Variants in ROBO2 observed in about 807,000 individuals in gnomAD.
The protein encoded by ROBO2 is roundabout guidance receptor 2.
Under a neutral mutation model 160.8 loss-of-function variants are expected in ROBO2, and 53 were observed. That is an observed-to-expected ratio of 0.33 (90% CI 0.26 to 0.41). The LOEUF is 0.41. Ranked by LOEUF, ROBO2 falls within the 10% of genes least tolerant of loss-of-function variation. The pLI is 1.00. For missense variants in ROBO2, 1,577 were observed against 1,722.4 expected, an observed-to-expected ratio of 0.92 and a Z score of 1.49; for synonymous variants, 664 against 611.7, an observed-to-expected ratio of 1.09 and a Z score of -1.26.
intron 2 of ROBO2, among the ~76,000 whole-genome samples, chr3:76,150,438 TCTGTCTAAAGCACA>T (rs1397752143): frequency 6.4e-5 from 9 of 139,630 alleles, no homozygotes; most frequent in African/African-American, 1.3e-4. Context: ...AAAGCACACA[TCTGTCTAAAGCACA>T]CATCTGTCTA....
intron 16 of ROBO2, among the ~76,000 whole-genome samples, chr3:77,585,126 C>A (rs1469310164): frequency 6.6e-6 from 1 of 150,932 alleles, no homozygotes; most frequent in Non-Finnish European, 1.5e-5. Flanking sequence ...AACGTATTTT[C>A]CTTTCATAGT....
chr3:76,804,050 T>C (rs527839719), intron 2 of ROBO2, among the ~76,000 whole-genome samples: 10 of 152,364 alleles, frequency 6.6e-5, no homozygotes, highest in Admixed American at 1.3e-4. Flanking sequence ...ATAGTCACTT[T>C]ATTCATTCAG....
chr3:77,269,378 C>A (rs539390685), intron 2 of ROBO2, among the ~76,000 whole-genome samples: 1 of 152,266 alleles, frequency 6.6e-6, no homozygotes, highest in Admixed American at 6.5e-5. Context: ...ATAAATAAAC[C>A]ATGCATTCCC....
At chr3:77,203,482 T>C (rs1289821178) in intron 2 of ROBO2, among the ~76,000 whole-genome samples, 1 of 152,194 alleles carries the variant, frequency 6.6e-6, no homozygotes, top group Admixed American at 6.5e-5. Context: ...ATAAGGAAGA[T>C]TGATGTGTAA....
At chr3:77,388,322 G>A (rs927876933) in intron 2 of ROBO2, among the ~76,000 whole-genome samples, 1 of 152,148 alleles carries the variant, frequency 6.6e-6, no homozygotes, top group Admixed American at 6.5e-5. Flanking sequence ...GCTGGGGCTG[G>A]ACAATCACTT....
intron 2 of ROBO2, among the ~76,000 whole-genome samples, chr3:76,893,995 G>A (rs192670973): frequency 5.1e-4 from 78 of 152,166 alleles, no homozygotes; most frequent in African/African-American, 1.4e-3. Context: ...ATTGATAGAC[G>A]ATTTTGCCTA....
At chr3:76,348,429 T>G (rs1222983365) in intron 2 of ROBO2, among the ~76,000 whole-genome samples, 1 of 152,146 alleles carries the variant, frequency 6.6e-6, no homozygotes, top group African/African-American at 2.4e-5. Context: ...TAGGTTAAAG[T>G]GCAGAAATTG....
intron 1 of ROBO2, among the ~76,000 whole-genome samples, chr3:75,909,677 C>T (rs1559743701): frequency 6.6e-6 from 1 of 152,148 alleles, no homozygotes; most frequent in Non-Finnish European, 1.5e-5. Context: ...ATACTTCAAG[C>T]AGTGTATGTG....
chr3:76,127,894 CTT>C (rs10691388), intron 2 of ROBO2, among the ~76,000 whole-genome samples: 2 of 117,644 alleles, frequency 1.7e-5, no homozygotes, highest in African/African-American at 3.3e-5. Context: ...GAAGACATTT[CTT>C]TTTTTTTTTT....
At chr3:76,848,612 T>C (rs9878215) in intron 2 of ROBO2, among the ~76,000 whole-genome samples, 22,546 of 152,042 alleles carry the variant, frequency 0.15, 1,883 homozygotes, top group East Asian at 0.24. Flanking sequence ...GCTCTGGAGG[T>C]GGGGTAAGAT....
chr3:76,569,234 C>T (rs1342785660), intron 2 of ROBO2, among the ~76,000 whole-genome samples: 1 of 151,956 alleles, frequency 6.6e-6, no homozygotes, highest in Non-Finnish European at 1.5e-5. Context: ...TGTTTCAGTT[C>T]AGAAGTTTTC....
chr3:76,881,438 G>T lies in ROBO2; in HGVS notation c.110-216576G>T, dbSNP rs575015065. The stretch of plus-strand genomic sequence containing the variant: ...GTTTTAAACTTAGAAAAGTATGGCT[G>T]CAATAGACTTAACCTAAATGAGACT... On this transcript the variant is annotated intron_variant, in intron 2 of 26. Coordinates refer to the ROBO2 transcript ENST00000487694. Among the ~76,000 whole-genome samples the T allele has an allele frequency of 1.2e-4, 18 of 152,230 alleles. No homozygotes were observed. In the South Asian group the frequency reaches 2.3e-3, roughly 19 times the overall value.
rs866340939 is a variant in ROBO2 at position 77,316,884 on chromosome 3, G to A, written c.389-160530G>A. On this transcript the variant is annotated intron_variant, in intron 2 of 25. Transcript: ENST00000461745. ...GAGTGTATCCTAAACCTATCAGGCT[G>A]GAGTTGTTCACTTTAGTGGAGAAGC... The A allele has an allele frequency of 5.1e-6, 6 of 1,169,046 alleles. No homozygotes were observed. The African/African-American group carries it at 6.0e-5, about 12-fold the overall frequency. The allele number at this position is 1,169,046 out of a possible 1,614,324, so 72.4% of individuals were successfully genotyped here.
chr3:76,762,214 A>T (rs987928395), intron 2 of ROBO2, among the ~76,000 whole-genome samples: 1 of 151,592 alleles, frequency 6.6e-6, no homozygotes, highest in Non-Finnish European at 1.5e-5. Flanking sequence ...AAGCTATTTT[A>T]TGCAATTGCC....
At chr3:76,217,127 C>A (rs955628276) in intron 2 of ROBO2, among the ~76,000 whole-genome samples, 1 of 151,988 alleles carries the variant, frequency 6.6e-6, no homozygotes, top group Non-Finnish European at 1.5e-5. Flanking sequence ...ACAAAGAAGA[C>A]ACAACATACC....
intron 2 of ROBO2, among the ~76,000 whole-genome samples, chr3:76,651,670 A>C (rs1349569955): frequency 1.3e-5 from 2 of 152,144 alleles, no homozygotes; most frequent in Admixed American, 6.5e-5. Flanking sequence ...TACTTGAATA[A>C]TTAAATGTGA....
At position 77,169,681 on chromosome 3, in the gene ROBO2, C is replaced by T. The variant is rs555050163; in HGVS notation, c.388+71341C>T. Among the ~76,000 whole-genome samples the T allele has an allele frequency of 7.3e-4, 111 of 152,314 alleles. 1 individual carries two copies. The highest frequency in any genetic ancestry group is 2.6e-3 in the African/African-American group (110 of 41,578). ...ACTGAGCAGTTAAACCAGAAACCTG[C>T]TTTAGGTAAGGACTGCCTTGATGTT... On this transcript the variant is annotated intron_variant, in intron 2 of 25. Coordinates refer to ENST00000461745, the Ensembl canonical transcript of ROBO2.
chr3:77,052,942 G>A (rs1295546549), intron 1 of ROBO2, among the ~76,000 whole-genome samples: 2 of 152,180 alleles, frequency 1.3e-5, no homozygotes, highest in Admixed American at 6.5e-5. Context: ...GGATATAAGG[G>A]ACAGTCTGTG....
intron 2 of ROBO2, among the ~76,000 whole-genome samples, chr3:76,116,318 T>C (rs1430581994): frequency 1.3e-5 from 2 of 152,192 alleles, no homozygotes; most frequent in African/African-American, 4.8e-5. Flanking sequence ...CAATTAAGTA[T>C]TCTTTTCATC....
Sources: allele counts gnomAD v4.1 joint callset (sites outside exome capture counted in the v4.1 genomes callset), GRCh38; gene constraint gnomAD v4.1.1; transcripts MANE v1.5; gene names NCBI Gene and HGNC (gene_info 2026-07-23, HGNC 2026-07-21).